The following RPS17 variants were observed in gnomAD, a reference collection of about 807,000 sequenced individuals.
RPS17 encodes ribosomal protein S17.
For synonymous variants in RPS17, 75 were observed against 65.6 expected, an observed-to-expected ratio of 1.14 and a Z score of -0.70; for missense variants, 68 against 182.3, an observed-to-expected ratio of 0.37 and a Z score of 3.61.
rs1018722848 is a variant in RPS17, at chr15:82,538,123, C to T, written c.327+183G>A. On this transcript the variant is annotated intron_variant, in intron 4 of 4. Transcript: ENST00000647841. ...AGATTTGGGAATCATGATCTTGTGG[C>T]GAACTAACTCAATGCACACAACTTC... 3.9e-5 allele frequency: 26 copies of T among 668,902 alleles called. No individual in the cohort carries two copies. The East Asian group carries it at 6.7e-4, about 17-fold the overall frequency. The allele number at this position is 668,902 out of a possible 1,614,324, so 41.4% of individuals were successfully genotyped here.
At chr15:82,537,971 A>G (rs1409393751) in intron 4 of RPS17, 2 of 468,628 alleles carry the variant, frequency 4.3e-6, no homozygotes, top group Non-Finnish European at 8.5e-6. Flanking sequence ...GGAGACACCA[A>G]AGGAATGCCT....
At chr15:82,538,159 C>T (rs2034274290) in intron 4 of RPS17, 147 bp downstream of exon 4, 1 of 829,414 alleles carries the variant, frequency 1.2e-6, no homozygotes, top group African/African-American at 1.7e-5. Flanking sequence ...CGCTACACCC[C>T]TTATGAAAGC....
rs1264745959 is a variant in RPS17, at chr15:82,539,314, G to A, written c.156-329C>T. The A allele has an allele frequency of 9.1e-5, 46 of 507,216 alleles. No homozygotes were observed. In the Admixed American group the frequency reaches 1.0e-3, roughly 11 times the overall value. The allele number at this position is 507,216 out of a possible 1,614,324, so 31.4% of individuals were successfully genotyped here. ...ATTCACATAACTTGGCAATTAATAC[G>A]TTGACTTTGGCACTATTCTTCCAGG... On this transcript the variant is annotated intron_variant, in intron 2 of 4. Transcript: ENST00000647841.
rs978843056 is a variant in RPS17, at chr15:82,540,321, C to A, written c.3+105G>T. On this transcript the variant is annotated intron_variant, in intron 1 of 4. Coordinates refer to ENST00000647841, the MANE Select transcript of RPS17 (RefSeq NM_001021.6). ...CCCGTTGCGCTCCAGCCTGACAGGG[C>A]TCTGCGCCTTCCCGGCCCAGGGCCT... 8.2e-6 allele frequency: 13 copies of A among 1,581,436 alleles called. No homozygotes were observed. The African/African-American group carries it at 1.6e-4, about 20-fold the overall frequency.
intron 2 of RPS17, 122 bp from the exon 3 acceptor site, chr15:82,539,107 A>T: frequency 1.0e-6 from 1 of 999,232 alleles, no homozygotes; most frequent in Non-Finnish European, 1.6e-6. Flanking sequence ...AAGGAAGAGG[A>T]CTCACTATCC....
intron 4 of RPS17, 164 bp downstream of exon 4, chr15:82,538,142 C>T: frequency 1.4e-6 from 1 of 735,872 alleles, no homozygotes; most frequent in South Asian, 1.4e-5. Flanking sequence ...TCAATGCACA[C>T]AACTTCCGCT....
intron 2 of RPS17, 39 bp downstream of exon 2, chr15:82,539,942 G>C (rs2034315752): frequency 1.2e-6 from 2 of 1,611,952 alleles, no homozygotes. Context: ...CACACAAACA[G>C]ATCGCGGAGC....
intron 2 of RPS17, chr15:82,539,229 G>GCCCCC: frequency 3.4e-6 from 2 of 592,704 alleles, no homozygotes; most frequent in South Asian, 1.6e-5. Flanking sequence ...CCCCCAACTC[G>GCCCCC]CCCCGCCCCG....
At chr15:82,538,519 T>C (rs1469761217) in intron 3 of RPS17, 148 bp from the exon 4 acceptor site, 1 of 891,720 alleles carries the variant, frequency 1.1e-6, no homozygotes, top group African/African-American at 1.7e-5. Flanking sequence ...TCTTACAGTA[T>C]TACAGACCCC....
At chr15:82,538,781 T>G in intron 3 of RPS17, 99 bp downstream of exon 3, 1 of 1,263,904 alleles carries the variant, frequency 7.9e-7, no homozygotes, top group Non-Finnish European at 1.2e-6. Flanking sequence ...ATGTATGGAT[T>G]AAAGGTCTCA....
intron 4 of RPS17, 44 bp downstream of exon 4, chr15:82,538,262 T>C: frequency 1.2e-6 from 2 of 1,609,622 alleles, no homozygotes; most frequent in Non-Finnish European, 1.7e-6. Flanking sequence ...ACTGATGGTT[T>C]TTGACCAGGA....
At chr15:82,537,703 G>C in intron 4 of RPS17, 1 of 371,022 alleles carries the variant, frequency 2.7e-6, no homozygotes, top group South Asian at 2.1e-5. Flanking sequence ...TCTGAAGCTG[G>C]GAAAGTACAT....
intron 4 of RPS17, chr15:82,538,059 A>G (rs2034272026): frequency 1.8e-6 from 1 of 557,140 alleles, no homozygotes; most frequent in Non-Finnish European, 3.5e-6. Context: ...AACCAAGAAC[A>G]GAAGCAGCCA....
At chr15:82,538,570 T>C (rs2034281203) in intron 3 of RPS17, 199 bp from the exon 4 acceptor site, 5 of 707,876 alleles carry the variant, frequency 7.1e-6, no homozygotes. Context: ...ATGCCCTCAT[T>C]CAGTATTCAG....
chr15:82,540,344 CCTCT>C, intron 1 of RPS17, 78 bp downstream of exon 1: 1 of 1,582,300 alleles, frequency 6.3e-7, no homozygotes, highest in Admixed American at 1.9e-5. Flanking sequence ...CGGCCCAGGG[CCTCT>C]CTGTGGGCTG....
At chr15:82,537,466 A>C (rs2034261124) in intron 4 of RPS17, 1 of 288,244 alleles carries the variant, frequency 3.5e-6, no homozygotes, top group African/African-American at 2.2e-5. Flanking sequence ...CAAGTACACA[A>C]GGCATCAAGC....
intron 4 of RPS17, chr15:82,537,270 T>C (rs1595978894): frequency 5.8e-6 from 2 of 342,556 alleles, no homozygotes; most frequent in Non-Finnish European, 1.1e-5. Flanking sequence ...AGCAACATCC[T>C]TGGCCTCTAC....
Position 82,538,998 on chromosome 15 carries a change from C to A in RPS17, c.156-13G>T. On this transcript the variant is annotated splice_polypyrimidine_tract_variant and intron_variant, in intron 2 of 4. Coordinates refer to ENST00000647841, the MANE Select transcript of RPS17 (RefSeq NM_001021.6). Reference sequence around the variant, plus strand: ...ATGCGTGACATAACTACAAAGCACACACAGCCAAAGAGAACAGTGAGAAGA... The same window carrying A: ...ATGCGTGACATAACTACAAAGCACAAACAGCCAAAGAGAACAGTGAGAAGA... The A allele has an allele frequency of 6.2e-7, 1 of 1,613,342 alleles. No individual in the cohort carries two copies. Among genetic ancestry groups the A allele is most frequent in the East Asian group, 2.2e-5 (1 of 44,870 alleles).
Position 82,540,051 on chromosome 15 carries a change from G to C in RPS17, c.85C>G (p.His29Asp), listed in dbSNP as rs2034319294. ...TCCTCGCACACGCGCTTGTTCGTGTGGAAGTCGTTGCCCAGGCGCGTGTAG... is the reference window on the plus strand; with the variant it reads ...TCCTCGCACACGCGCTTGTTCGTGTCGAAGTCGTTGCCCAGGCGCGTGTAG... ...KYYTRLGNDF[H>D]TNKRVCEEIA... The change falls in exon 2 of 5, where the codon CAC (histidine) becomes GAC (aspartate). Residue 29 changes from histidine to aspartate, a missense_variant. His to Asp is a moderately conservative substitution (Grantham distance 81). Coordinates refer to ENST00000647841, the MANE Select transcript of RPS17 (RefSeq NM_001021.6). 6.2e-7 allele frequency: 1 copy of C among 1,612,622 alleles called. No individual in the cohort carries two copies. The highest frequency in any genetic ancestry group is 2.2e-5 in the East Asian group (1 of 44,894).
Sources: gnomAD v4.1 joint callset for allele counts on GRCh38, gnomAD v4.1.1 for gene constraint, MANE v1.5 for transcripts, NCBI Gene and HGNC (gene_info 2026-07-23, HGNC 2026-07-21) for gene names.